Variants in DTNBP1 observed in about 807,000 individuals in gnomAD.
The protein encoded by DTNBP1 is dysbindin.
A neutral mutation model predicts 42.8 loss-of-function variants in DTNBP1; 35 were observed. That is an observed-to-expected ratio of 0.82 (90% CI 0.63 to 1.09). The LOEUF (loss-of-function observed/expected upper bound fraction) is 1.09. Among genes scored for constraint, DTNBP1 ranks in the 50% least tolerant of loss-of-function variants. DTNBP1 has a pLI of 0.00. For missense variants in DTNBP1, 457 were observed against 424.2 expected (o/e 1.08, Z -0.68); for synonymous variants, 171 against 162.2 (o/e 1.05, Z -0.41).
rs1776139307 is a variant in DTNBP1 at position 15,587,762 on chromosome 6, A to AG, written c.511+5296_511+5297insC. ...CAACTGAATATCGATACGTAAAAAA[A>AG]TGAAGGTAGACTTTTAACTCACACG... On this transcript the variant is annotated intron_variant, in intron 7 of 9. Transcript: ENST00000344537. This position sits in a 1 kb window ranked among gnomAD's most constrained non-coding sequence, Gnocchi z 4.1. Among the ~76,000 whole-genome samples, 2 of 152,214 alleles carry AG rather than the reference A, an allele frequency of 1.3e-5. No homozygotes were observed. Among genetic ancestry groups the AG allele is most frequent in the African/African-American group, 4.8e-5 (2 of 41,448 alleles).
chr6:15,574,502 T>C (rs953934730), intron 7 of DTNBP1, among the ~76,000 whole-genome samples: 17 of 152,196 alleles, frequency 1.1e-4, no homozygotes, highest in African/African-American at 3.9e-4. Flanking sequence ...CACAGTACCA[T>C]CCATATAATT....
At chr6:15,651,246 T>C in intron 3 of DTNBP1, 67 bp downstream of exon 3, 1 of 1,437,514 alleles carries the variant, frequency 7.0e-7, no homozygotes, top group South Asian at 1.2e-5. Flanking sequence ...ACCTACAAAA[T>C]TAAAAGATAT....
chr6:15,637,486 A>G (rs571155923), intron 4 of DTNBP1, among the ~76,000 whole-genome samples: 8 of 152,226 alleles, frequency 5.3e-5, no homozygotes, highest in Admixed American at 1.3e-4. Context: ...AGAGCATTAT[A>G]TCTACATAAA....
chr6:15,549,490 TTA>T (rs1561952305), intron 7 of DTNBP1, among the ~76,000 whole-genome samples: 6 of 101,810 alleles, frequency 5.9e-5, no homozygotes, highest in African/African-American at 1.9e-4. Context: ...GTCTCAGGGA[TTA>T]AAAAAAAAAA....
intron 7 of DTNBP1, among the ~76,000 whole-genome samples, chr6:15,568,392 G>GAC (rs1775191707): frequency 1.3e-5 from 2 of 152,220 alleles, no homozygotes; most frequent in South Asian, 2.1e-4. Flanking sequence ...AGGCTCCCAT[G>GAC]TCATGTAAAA....
At chr6:15,634,476 C>T (rs1759885833) in intron 4 of DTNBP1, among the ~76,000 whole-genome samples, 1 of 152,082 alleles carries the variant, frequency 6.6e-6, no homozygotes, top group African/African-American at 2.4e-5. Flanking sequence ...GCCACCACAC[C>T]AGGCTAATTT....
chr6:15,533,216 C>T (rs768375302), intron 8 of DTNBP1, 24 bp downstream of exon 8: 4 of 1,612,526 alleles, frequency 2.5e-6, no homozygotes, highest in Non-Finnish European at 3.4e-6. Context: ...AGTCCCCACA[C>T]CAGCAGCCCC....
chr6:15,580,289 C>T (rs1345058487), intron 7 of DTNBP1, among the ~76,000 whole-genome samples: 1 of 152,048 alleles, frequency 6.6e-6, no homozygotes, highest in South Asian at 2.1e-4. Context: ...GAAAAAAATA[C>T]TCAGGTGAGG....
At chr6:15,612,488 A>G (rs1159684679) in intron 6 of DTNBP1, among the ~76,000 whole-genome samples, 3 of 152,252 alleles carry the variant, frequency 2.0e-5, no homozygotes, top group Admixed American at 1.3e-4. Context: ...GAAAAATCAC[A>G]ATATTCATAT....
chr6:15,564,189 C>T (rs947722298), intron 7 of DTNBP1, among the ~76,000 whole-genome samples: 10 of 151,966 alleles, frequency 6.6e-5, no homozygotes, highest in South Asian at 2.1e-4. Flanking sequence ...CTCGGTGGCT[C>T]GGTATATTGA....
intron 7 of DTNBP1, among the ~76,000 whole-genome samples, chr6:15,559,864 T>G (rs1271034712): frequency 6.6e-6 from 1 of 152,214 alleles, no homozygotes; most frequent in African/African-American, 2.4e-5. Context: ...ACAACTTTTT[T>G]GCAGGGAAAA....
chr6:15,567,793 C>T (rs1294103302), intron 7 of DTNBP1, among the ~76,000 whole-genome samples: 1 of 152,116 alleles, frequency 6.6e-6, no homozygotes, highest in Non-Finnish European at 1.5e-5. Context: ...TCAGAATAAA[C>T]CTCTTAAAAT....
At position 15,524,533 on chromosome 6, in the gene DTNBP1, G is replaced by T. The variant is rs374947359; in HGVS notation, c.804C>A (p.Pro268=). The change falls in exon 9 of 10, where the codon CCC becomes CCA. Residue 268 remains proline (P), a synonymous_variant. Transcript: ENST00000344537. ...SGGEENTVLS[P]ALGPESSTCQ... ...CAAGTTTGTCAACCCTACCTAAGGC[G>T]GGGGACAGCACAGTGTTCTCTTCTC... 1.9e-6 allele frequency: 3 copies of T among 1,607,502 alleles called. No individual in the cohort carries two copies. The highest frequency in any genetic ancestry group is 2.6e-6 in the Non-Finnish European group (3 of 1,175,688).
intron 8 of DTNBP1, among the ~76,000 whole-genome samples, chr6:15,532,051 C>A (rs1772872856): frequency 6.6e-6 from 1 of 152,140 alleles, no homozygotes; most frequent in African/African-American, 2.4e-5. Context: ...CAGGGCCAGG[C>A]AAGGCTGGGG....
intron 7 of DTNBP1, among the ~76,000 whole-genome samples, chr6:15,551,105 G>C (rs1581306766): frequency 6.6e-6 from 1 of 152,058 alleles, no homozygotes; most frequent in South Asian, 2.1e-4. Context: ...GCTTCTCTAA[G>C]ATTAACTGCT....
intron 8 of DTNBP1, among the ~76,000 whole-genome samples, chr6:15,526,385 G>C (rs180724250): frequency 6.6e-6 from 1 of 152,374 alleles, no homozygotes; most frequent in East Asian, 1.9e-4. Flanking sequence ...TAGAGCCACA[G>C]CGACGTGAGA....
intron 5 of DTNBP1, among the ~76,000 whole-genome samples, chr6:15,623,662 A>G (rs1215787106): frequency 3.3e-5 from 5 of 152,342 alleles, no homozygotes; most frequent in African/African-American, 1.2e-4. Context: ...GAGAAAATTC[A>G]AAGACAAGGC....
intron 6 of DTNBP1, 57 bp from the exon 7 acceptor site, chr6:15,593,138 A>C: frequency 6.8e-7 from 1 of 1,464,644 alleles, no homozygotes; most frequent in Non-Finnish European, 9.3e-7. Flanking sequence ...TCCCCAATGA[A>C]AACTGTTCTT....
chr6:15,620,789 C>CT (rs1758999982), intron 5 of DTNBP1, among the ~76,000 whole-genome samples: 1 of 152,188 alleles, frequency 6.6e-6, no homozygotes, highest in African/African-American at 2.4e-5. Context: ...AAGAGCTAGG[C>CT]TTTGAAGCAC....
Sources: gnomAD v4.1 joint callset for allele counts (sites outside exome capture counted in the v4.1 genomes callset) on GRCh38, gnomAD v4.1.1 for gene constraint, Gnocchi (gnomAD v3.1) non-coding constraint, MANE v1.5 for transcripts, NCBI Gene and HGNC (gene_info 2026-07-23, HGNC 2026-07-21) for gene names.